WAC: variants seen among roughly 807,000 people sequenced by gnomAD.
The protein encoded by WAC is WW domain containing adaptor with coiled-coil, also known as WW domain-containing adapter protein with coiled-coil.
In WAC, 11 loss-of-function variants were observed where a neutral mutation model predicts 79.6. The observed-to-expected ratio is 0.14, with a 90% CI of 0.09 to 0.23. WAC has a LOEUF of 0.23. WAC is among the 10% of genes least tolerant of loss of function. The pLI, the probability that WAC is intolerant of heterozygous loss-of-function variation, is 1.00. For synonymous variants in WAC, 304 were observed against 276.9 expected, an observed-to-expected ratio of 1.10 and a Z score of -0.97; for missense variants, 728 against 773.5, an observed-to-expected ratio of 0.94 and a Z score of 0.70.
At chr10:28,590,940 C>T (rs1840050022) in intron 6 of WAC, 108 bp downstream of exon 6, 1 of 900,278 alleles carries the variant, frequency 1.1e-6, no homozygotes, top group African/African-American at 1.7e-5. Flanking sequence ...TAAATAGAAA[C>T]ATACGGAGAT....
chr10:28,610,856 C>A (rs374136210), intron 9 of WAC, 35 bp downstream of exon 9: 1 of 1,528,214 alleles, frequency 6.5e-7, no homozygotes, highest in South Asian at 1.3e-5. Flanking sequence ...TCTAGAATGG[C>A]ATCTTGATTT....
chr10:28,533,158 CCAGCGG>C lies in WAC; in HGVS notation c.-420_-415del, dbSNP rs1836363365. ...AGTTGGTGGAGCGGCAGCGGCGGCA[CCAGCGG>C]CGGCGGCGGCGGCGGGAGGAGGAGG... On this transcript the variant is annotated 5_prime_UTR_variant, in exon 1 of 14. Transcript: ENST00000354911. 1.3e-5 allele frequency among the ~76,000 whole-genome samples: 2 copies of C among 151,306 alleles called. No individual in the cohort carries two copies. Among genetic ancestry groups the C allele is most frequent in the Non-Finnish European group, 3.0e-5 (2 of 67,748 alleles).
At chr10:28,601,125 G>A (rs1840624779) in intron 7 of WAC, among the ~76,000 whole-genome samples, 3 of 152,096 alleles carry the variant, frequency 2.0e-5, no homozygotes, top group Admixed American at 2.0e-4. Flanking sequence ...GTACATCAAA[G>A]GGAGTGAAAA....
intron 4 of WAC, chr10:28,589,050 T>A (rs1839966855): frequency 6.6e-6 from 1 of 152,216 alleles, no homozygotes; most frequent in East Asian, 1.9e-4. Context: ...TCTTTCTAAT[T>A]TCATTATGTT....
At chr10:28,608,728 A>C (rs1841080393) in intron 8 of WAC, 1 of 239,504 alleles carries the variant, frequency 4.2e-6, no homozygotes, top group African/African-American at 2.3e-5. Flanking sequence ...TGTATGGTGA[A>C]ATTTTACATT....
intron 4 of WAC, among the ~76,000 whole-genome samples, chr10:28,587,969 G>A (rs577317845): frequency 6.6e-6 from 1 of 151,830 alleles, no homozygotes; most frequent in Non-Finnish European, 1.5e-5. Context: ...GAAACAGTAT[G>A]TTTATATATT....
At chr10:28,576,051 T>C (rs1839228805) in intron 3 of WAC, among the ~76,000 whole-genome samples, 1 of 152,194 alleles carries the variant, frequency 6.6e-6, no homozygotes, top group South Asian at 2.1e-4. Context: ...AGCCAAGGTG[T>C]GTAGTAGACT....
intron 3 of WAC, among the ~76,000 whole-genome samples, chr10:28,541,209 ATTCTAAT>A (rs1213271739): frequency 4.6e-5 from 7 of 152,022 alleles, no homozygotes; most frequent in African/African-American, 1.7e-4. Flanking sequence ...AAATTTATAT[ATTCTAAT>A]TTGTGTCTAT....
At chr10:28,609,703 T>C (rs1395591513) in intron 8 of WAC, among the ~76,000 whole-genome samples, 1 of 151,892 alleles carries the variant, frequency 6.6e-6, no homozygotes, top group Admixed American at 6.6e-5. Flanking sequence ...GTGAACCCCA[T>C]CTCTACTAAA....
intron 3 of WAC, among the ~76,000 whole-genome samples, chr10:28,571,739 T>C (rs1034204383): frequency 1.3e-5 from 2 of 152,222 alleles, no homozygotes; most frequent in Non-Finnish European, 2.9e-5. Context: ...TCTTGGTTAA[T>C]TAGGGTCAGG....
At chr10:28,614,868 T>C (rs1841408293) in intron 11 of WAC, 183 bp downstream of exon 11, 2 of 440,604 alleles carry the variant, frequency 4.5e-6, no homozygotes, top group South Asian at 9.5e-5. Flanking sequence ...TTATTGTCTC[T>C]AGTAGTGAAG....
intron 7 of WAC, among the ~76,000 whole-genome samples, chr10:28,601,325 A>C (rs1402211840): frequency 6.6e-6 from 1 of 152,146 alleles, no homozygotes; most frequent in Non-Finnish European, 1.5e-5. Context: ...CAGCCTCCTT[A>C]GTCATTAGGG....
At chr10:28,612,616 A>G (rs539472451) in intron 10 of WAC, among the ~76,000 whole-genome samples, 1 of 152,326 alleles carries the variant, frequency 6.6e-6, no homozygotes, top group South Asian at 2.1e-4. Flanking sequence ...TCTTTGTAAG[A>G]TATTAAGCAG....
At chr10:28,553,037 G>T (rs537062184) in intron 3 of WAC, among the ~76,000 whole-genome samples, 1 of 152,096 alleles carries the variant, frequency 6.6e-6, no homozygotes, top group South Asian at 2.1e-4. Flanking sequence ...CCTGCCCGAG[G>T]TAGTATTTAT....
intron 3 of WAC, among the ~76,000 whole-genome samples, chr10:28,557,335 A>G (rs770523022): frequency 1.3e-5 from 2 of 152,220 alleles, no homozygotes; most frequent in Non-Finnish European, 2.9e-5. Context: ...AATATTATAC[A>G]GTGTCATTAG....
chr10:28,618,034 C>G (rs1365577983), intron 13 of WAC: 1 of 262,092 alleles, frequency 3.8e-6, no homozygotes, highest in Non-Finnish European at 7.1e-6. Context: ...TAATATATTA[C>G]TGAAAAAATG....
At chr10:28,574,474 A>G (rs1274716661) in intron 3 of WAC, among the ~76,000 whole-genome samples, 3 of 151,900 alleles carry the variant, frequency 2.0e-5, no homozygotes, top group Non-Finnish European at 2.9e-5. Flanking sequence ...ACAGTGTCTC[A>G]TTCTGTTGCC....
chr10:28,582,806 A>G (rs560148962), intron 3 of WAC, among the ~76,000 whole-genome samples: 4 of 152,178 alleles, frequency 2.6e-5, no homozygotes, highest in Non-Finnish European at 5.9e-5. Flanking sequence ...ACTCTTAAGC[A>G]ATTTTTAGAT....
At position 28,533,630 on chromosome 10, in the gene WAC, C is replaced by A; in HGVS notation, c.41+10C>A. 2 of 1,582,142 alleles carry A rather than the reference C, an allele frequency of 1.3e-6. No homozygotes were observed. Among genetic ancestry groups the A allele is most frequent in the Non-Finnish European group, 1.7e-6 (2 of 1,163,380 alleles). On this transcript the variant is annotated intron_variant, in intron 1 of 13. Coordinates refer to ENST00000354911, the MANE Select transcript of WAC (RefSeq NM_016628.5). ...AGAGACTCAGTGATGGGTAAATTGT[C>A]TTTTCGTTTCGGGCCGGGCGGCGGC...
Sources: gnomAD v4.1 joint callset for allele counts (sites outside exome capture counted in the v4.1 genomes callset) on GRCh38, gnomAD v4.1.1 for gene constraint, MANE v1.5 for transcripts, NCBI Gene and HGNC (gene_info 2026-07-23, HGNC 2026-07-21) for gene names.